Variants in RNF180 observed in about 807,000 individuals in gnomAD.
RNF180 encodes ring finger protein 180, also known as E3 ubiquitin-protein ligase RNF180.
Under a neutral mutation model 59.2 loss-of-function variants are expected in RNF180, and 38 were observed. The observed-to-expected ratio is 0.64, with a 90% CI of 0.50 to 0.84. RNF180 has a LOEUF of 0.84. RNF180 is among the 40% of genes least tolerant of loss of function. The probability of loss-of-function intolerance (pLI) is 0.00; values close to 1 mark genes in which losing one functional copy is unlikely to be tolerated. For missense variants in RNF180, 705 were observed against 700.9 expected (o/e 1.01, Z -0.07); for synonymous variants, 262 against 240.3 (o/e 1.09, Z -0.84).
chr5:64,358,766 T>A (rs1746125722), intron 7 of RNF180, among the ~76,000 whole-genome samples: 2 of 150,484 alleles, frequency 1.3e-5, no homozygotes. Context: ...GCATTAGGTA[T>A]ATCTCCCAAT....
chr5:64,294,981 C>G (rs1257189848), intron 5 of RNF180, among the ~76,000 whole-genome samples: 1 of 152,112 alleles, frequency 6.6e-6, no homozygotes, highest in Non-Finnish European at 1.5e-5. Flanking sequence ...ATTTTTTAAT[C>G]ACAGATTAAT....
intron 1 of RNF180, among the ~76,000 whole-genome samples, chr5:64,186,165 C>G (rs570602916): frequency 6.6e-6 from 1 of 151,980 alleles, no homozygotes; most frequent in African/African-American, 2.4e-5. Context: ...TTCCTCTTGC[C>G]CTGAAGTAAA....
intron 5 of RNF180, among the ~76,000 whole-genome samples, chr5:64,285,135 G>T (rs537579016): frequency 6.6e-6 from 1 of 152,264 alleles, no homozygotes; most frequent in African/African-American, 2.4e-5. Context: ...CTGGGGTGGG[G>T]CTGGTACCAG....
intron 5 of RNF180, among the ~76,000 whole-genome samples, chr5:64,320,543 A>C (rs1413989513): frequency 6.6e-6 from 1 of 152,206 alleles, no homozygotes; most frequent in Non-Finnish European, 1.5e-5. Context: ...CAATTTCTCT[A>C]TTCAGAGTAG....
chr5:64,200,013 A>G (rs1018570586), intron 1 of RNF180, among the ~76,000 whole-genome samples: 1 of 152,220 alleles, frequency 6.6e-6, no homozygotes, highest in African/African-American at 2.4e-5. Flanking sequence ...CCATCAATTT[A>G]AGGTAGGCAC....
At chr5:64,362,406 A>AAGGCC (rs1300978821) in intron 7 of RNF180, among the ~76,000 whole-genome samples, 3 of 151,898 alleles carry the variant, frequency 2.0e-5, no homozygotes, top group African/African-American at 7.2e-5. Flanking sequence ...TGTTCCTGCA[A>AAGGCC]AGGCCATGAT....
intron 5 of RNF180, among the ~76,000 whole-genome samples, chr5:64,322,223 G>C (rs1744389073): frequency 6.6e-6 from 1 of 151,944 alleles, no homozygotes; most frequent in Admixed American, 6.6e-5. Context: ...AAACAGGCAA[G>C]CTACAAAATG....
chr5:64,309,977 T>A (rs1456783987), intron 5 of RNF180, among the ~76,000 whole-genome samples: 1 of 151,294 alleles, frequency 6.6e-6, no homozygotes, highest in Non-Finnish European at 1.5e-5. Flanking sequence ...TTCTTATAAT[T>A]TACACTTAAT....
At chr5:64,286,309 C>G (rs886233148) in intron 5 of RNF180, among the ~76,000 whole-genome samples, 2 of 152,206 alleles carry the variant, frequency 1.3e-5, no homozygotes, top group African/African-American at 4.8e-5. Flanking sequence ...CATAGAACCA[C>G]TGCTCTGTGA....
intron 6 of RNF180, 23 bp downstream of exon 6, chr5:64,325,434 A>G: frequency 1.4e-6 from 2 of 1,435,658 alleles, no homozygotes; most frequent in Non-Finnish European, 1.9e-6. Context: ...TTTCATTAAC[A>G]TGATTGTCTG....
chr5:64,319,049 C>T (rs1471551854), intron 5 of RNF180, among the ~76,000 whole-genome samples: 1 of 151,734 alleles, frequency 6.6e-6, no homozygotes, highest in Admixed American at 6.6e-5. Flanking sequence ...ACAAATGTAC[C>T]ACACTAATGC....
At chr5:64,316,301 G>A (rs1018802585) in intron 5 of RNF180, among the ~76,000 whole-genome samples, 1 of 152,024 alleles carries the variant, frequency 6.6e-6, no homozygotes, top group Non-Finnish European at 1.5e-5. Context: ...CTTAAGAATT[G>A]TTATCCTAAA....
intron 1 of RNF180, among the ~76,000 whole-genome samples, chr5:64,169,655 T>C (rs1301367895): frequency 1.3e-5 from 2 of 152,156 alleles, no homozygotes; most frequent in African/African-American, 4.8e-5. Flanking sequence ...CCTGTTTAAT[T>C]TTTTTTGCAA....
intron 1 of RNF180, among the ~76,000 whole-genome samples, chr5:64,193,659 A>C (rs1047466127): frequency 5.3e-5 from 8 of 152,212 alleles, no homozygotes; most frequent in Non-Finnish European, 8.8e-5. Context: ...GTTTATCCAC[A>C]TATAAATTTA....
intron 1 of RNF180, among the ~76,000 whole-genome samples, chr5:64,177,501 T>C (rs893433774): frequency 1.4e-5 from 2 of 143,012 alleles, no homozygotes; most frequent in Non-Finnish European, 3.0e-5. Flanking sequence ...TCTATCTAGA[T>C]TTTTTTCAAA....
At chr5:64,203,647 A>G (rs545338223) in intron 2 of RNF180, among the ~76,000 whole-genome samples, 132 of 152,242 alleles carry the variant, frequency 8.7e-4, no homozygotes, top group African/African-American at 3.1e-3. Context: ...CATAAAAATT[A>G]TGTACTAAAT....
At chr5:64,337,004 GT>G (rs926765536) in intron 7 of RNF180, among the ~76,000 whole-genome samples, 15 of 143,880 alleles carry the variant, frequency 1.0e-4, no homozygotes, top group South Asian at 2.2e-4. Context: ...TTTTGTTGTT[GT>G]TTTTTTTTTG....
At chr5:64,205,590 G>A (rs1202477142) in intron 2 of RNF180, among the ~76,000 whole-genome samples, 2 of 152,114 alleles carry the variant, frequency 1.3e-5, no homozygotes, top group East Asian at 3.9e-4. Flanking sequence ...AATATTTTAG[G>A]AGGCTGCTCG....
chr5:64,284,659 T>C (rs888744547), intron 5 of RNF180, among the ~76,000 whole-genome samples: 1 of 152,214 alleles, frequency 6.6e-6, no homozygotes, highest in Non-Finnish European at 1.5e-5. Flanking sequence ...ATTCTTGTAG[T>C]GAGTTTTTAA....
Sources: allele counts gnomAD v4.1 joint callset (sites outside exome capture counted in the v4.1 genomes callset), GRCh38; gene constraint gnomAD v4.1.1; transcripts MANE v1.5; gene names NCBI Gene and HGNC (gene_info 2026-07-23, HGNC 2026-07-21).